Variants in C2orf49 observed in about 807,000 individuals in gnomAD.
The protein encoded by C2orf49 is tRNA splicing ligase complex subunit 2.
Under a neutral mutation model 20.6 loss-of-function variants are expected in C2orf49, and 11 were observed. That is an observed-to-expected ratio of 0.53 (90% CI 0.34 to 0.88). The LOEUF (loss-of-function observed/expected upper bound fraction) is 0.88, where lower values mean the gene tolerates loss of function less well. C2orf49 is among the 40% of genes least tolerant of loss of function. C2orf49 has a pLI of 0.02. For missense variants in C2orf49, 289 were observed against 274.2 expected, an observed-to-expected ratio of 1.05 and a Z score of -0.38; for synonymous variants, 134 against 108.5, an observed-to-expected ratio of 1.24 and a Z score of -1.46.
chr2:105,368,075 G>C, the C2orf49 span, among the ~76,000 whole-genome samples: 3 of 152,220 alleles, frequency 2.0e-5, no homozygotes, highest in African/African-American at 7.2e-5. Context: ...GTGTGGCATA[G>C]CTCCGATGAA....
At chr2:105,378,245 G>C in the C2orf49 span, 1 of 464,398 alleles carries the variant, frequency 2.2e-6, no homozygotes, top group Non-Finnish European at 4.5e-6. Context: ...CTGATTCATT[G>C]ACACGTGACA....
the C2orf49 span, chr2:105,361,156 A>T: frequency 1.1e-6 from 1 of 926,394 alleles, no homozygotes; most frequent in Admixed American, 2.3e-5. Context: ...CGTGAGTATC[A>T]CTGAAAAGCA....
the C2orf49 span, among the ~76,000 whole-genome samples, chr2:105,366,062 G>A: frequency 1.7e-3 from 264 of 151,368 alleles, 1 homozygote; most frequent in African/African-American, 6.1e-3. Context: ...AAAAAAAACC[G>A]GCTGGGCATG....
chr2:105,359,279 A>G, the C2orf49 span: 1 of 152,236 alleles, frequency 6.6e-6, no homozygotes, highest in African/African-American at 2.4e-5. Flanking sequence ...ATGTTCCAAA[A>G]TGAAATTTGG....
downstream of C2orf49, among the ~76,000 whole-genome samples, chr2:105,353,500 G>A (rs1251933043): frequency 6.6e-6 from 1 of 151,982 alleles, no homozygotes; most frequent in Non-Finnish European, 1.5e-5. Context: ...AAAAACTCAT[G>A]TATTTAGTTT....
rs1045455290 is a variant in C2orf49, at chr2:105,349,039, A to C, written c.*3668A>C. 6.6e-6 allele frequency: 1 copy of C among 152,176 alleles called. No homozygotes were observed. Among genetic ancestry groups the C allele is most frequent in the Non-Finnish European group, 1.5e-5 (1 of 68,032 alleles). The allele number at this position is 152,176 out of a possible 1,614,324, so 9.4% of individuals were successfully genotyped here. ...CTACATGTTGAGGGATGGAAATAGA[A>C]GTCTCTGAACTTCCCATGTAATATT... On this transcript the variant is annotated 3_prime_UTR_variant, in exon 4 of 4. Transcript: ENST00000258457.
At chr2:105,340,040 A>G (rs1679624910) in intron 2 of C2orf49, among the ~76,000 whole-genome samples, 2 of 152,222 alleles carry the variant, frequency 1.3e-5, no homozygotes, top group Non-Finnish European at 2.9e-5. Context: ...TCTTAGTGAA[A>G]AATGACATTT....
chr2:105,365,332 G>A, the C2orf49 span, among the ~76,000 whole-genome samples: 1 of 152,206 alleles, frequency 6.6e-6, no homozygotes, highest in African/African-American at 2.4e-5. Flanking sequence ...CAGTGCCTGA[G>A]AGGGCCAAGT....
At chr2:105,367,539 C>T in the C2orf49 span, 32 of 1,572,560 alleles carry the variant, frequency 2.0e-5, no homozygotes, top group South Asian at 2.4e-5. Context: ...CCAGCCAGAA[C>T]GTGCAAGGGC....
the C2orf49 span, among the ~76,000 whole-genome samples, chr2:105,366,869 C>G: frequency 1.3e-5 from 2 of 152,210 alleles, no homozygotes; most frequent in East Asian, 3.9e-4. Context: ...CCTCAGTCTC[C>G]TGAGTAGCTG....
At chr2:105,359,289 G>C in the C2orf49 span, 10 of 152,128 alleles carry the variant, frequency 6.6e-5, no homozygotes, top group African/African-American at 2.4e-4. Flanking sequence ...ATGAAATTTG[G>C]AGTGCTTTTA....
the C2orf49 span, among the ~76,000 whole-genome samples, chr2:105,373,250 G>C: frequency 6.6e-6 from 1 of 152,198 alleles, no homozygotes; most frequent in African/African-American, 2.4e-5. Context: ...ACTATCTATG[G>C]TGGTGGGAGA....
At chr2:105,367,496 A>G in the C2orf49 span, 1 of 1,462,878 alleles carries the variant, frequency 6.8e-7, no homozygotes, top group Admixed American at 2.1e-5. Context: ...GGTTTTGGAA[A>G]GAGAACTGAC....
the C2orf49 span, among the ~76,000 whole-genome samples, chr2:105,376,960 G>A: frequency 6.6e-6 from 1 of 152,216 alleles, no homozygotes; most frequent in African/African-American, 2.4e-5. Flanking sequence ...GAGATACTTA[G>A]GGAAGTCACA....
At chr2:105,370,830 A>C in the C2orf49 span, among the ~76,000 whole-genome samples, 2 of 152,264 alleles carry the variant, frequency 1.3e-5, no homozygotes, top group South Asian at 4.1e-4. Flanking sequence ...CACCTGTAAA[A>C]TGGGGATGAA....
the C2orf49 span, among the ~76,000 whole-genome samples, chr2:105,377,037 A>G: frequency 6.6e-6 from 1 of 152,212 alleles, no homozygotes; most frequent in South Asian, 2.1e-4. Flanking sequence ...GGGAGTGAGA[A>G]TGTGTTCTGT....
At chr2:105,369,048 T>C in the C2orf49 span, among the ~76,000 whole-genome samples, 2 of 152,226 alleles carry the variant, frequency 1.3e-5, no homozygotes, top group African/African-American at 4.8e-5. Context: ...TGTGTAGTTG[T>C]AATAGTTGAG....
chr2:105,348,682 A>G lies in C2orf49; in HGVS notation c.*3311A>G, dbSNP rs1389556769. On this transcript the variant is annotated 3_prime_UTR_variant, in exon 4 of 4. Transcript: ENST00000258457. The stretch of plus-strand genomic sequence containing the variant: ...GTGCAGGTTTTGTAATTCAGTACAG[A>G]AAAGTTTAACCTTGTACATTTTTGT... The G allele has an allele frequency of 6.6e-6, 1 of 151,952 alleles. No individual in the cohort carries two copies. The highest frequency in any genetic ancestry group is 1.5e-5 in the Non-Finnish European group (1 of 68,004). The allele number at this position is 151,952 out of a possible 1,614,324, so 9.4% of individuals were successfully genotyped here. A position where few individuals can be genotyped will look rare whatever the true frequency, so the allele number is the denominator to read the frequency against.
chr2:105,370,663 A>G, the C2orf49 span, among the ~76,000 whole-genome samples: 1 of 152,322 alleles, frequency 6.6e-6, no homozygotes, highest in Non-Finnish European at 1.5e-5. Context: ...CTGTAAACCC[A>G]TATTCATCTT....
Sources: gnomAD v4.1 joint callset for allele counts (sites outside exome capture counted in the v4.1 genomes callset) on GRCh38, gnomAD v4.1.1 for gene constraint, MANE v1.5 for transcripts, NCBI Gene and HGNC (gene_info 2026-07-23, HGNC 2026-07-21) for gene names.